Variants in TMCC1 observed in about 807,000 individuals in gnomAD.
TMCC1 encodes the protein transmembrane and coiled-coil domains protein 1.
A neutral mutation model predicts 52.4 loss-of-function variants in TMCC1; 15 were observed. That is an observed-to-expected ratio of 0.29 (90% CI 0.19 to 0.44). TMCC1 has a LOEUF of 0.44. Ranked by LOEUF, TMCC1 falls within the 20% of genes least tolerant of loss-of-function variation. TMCC1 has a pLI of 1.00. For synonymous variants in TMCC1, 279 were observed against 301.9 expected, an observed-to-expected ratio of 0.92 and a Z score of 0.79; for missense variants, 503 against 806.0, an observed-to-expected ratio of 0.62 and a Z score of 4.55.
intron 2 of TMCC1, among the ~76,000 whole-genome samples, chr3:129,877,431 C>T (rs1282469365): frequency 6.6e-6 from 1 of 152,150 alleles, no homozygotes; most frequent in Non-Finnish European, 1.5e-5. Context: ...TCTTCCCCAA[C>T]TCTAAACTCT....
intron 4 of TMCC1, among the ~76,000 whole-genome samples, chr3:129,775,780 T>C (rs1278902388): frequency 2.6e-5 from 4 of 152,206 alleles, no homozygotes; most frequent in Non-Finnish European, 5.9e-5. Context: ...GGAATACTGT[T>C]ACCACCCTAA....
Position 129,726,389 on chromosome 3 carries a change from CAAAA to C in TMCC1, c.577-55129_577-55126del, listed in dbSNP as rs903335065. ...AGGCTACTATTTCTCAACATTAAAACAAAACAAACAAATAAAAACTTTACATCCT... is the reference window on the plus strand; with the variant it reads ...AGGCTACTATTTCTCAACATTAAAACCAAACAAATAAAAACTTTACATCCT... On this transcript the variant is annotated intron_variant, in intron 4 of 6. Transcript: ENST00000393238. Among the ~76,000 whole-genome samples the C allele has an allele frequency of 2.4e-3, 85 of 35,886 alleles. 2 individuals are homozygous for C. The South Asian group carries it at 0.13, about 54-fold the overall frequency. 23.5% of individuals were successfully genotyped at this position (35,886 alleles called of 152,430 possible).
intron 2 of TMCC1, among the ~76,000 whole-genome samples, chr3:129,867,559 A>C (rs1464400324): frequency 6.6e-6 from 1 of 152,226 alleles, no homozygotes; most frequent in African/African-American, 2.4e-5. Context: ...GATAGGTTTA[A>C]ATCTGTCTCT....
intron 4 of TMCC1, among the ~76,000 whole-genome samples, chr3:129,768,210 A>T (rs2054280692): frequency 6.6e-6 from 1 of 152,196 alleles, no homozygotes; most frequent in African/African-American, 2.4e-5. Flanking sequence ...CTCAACAAAC[A>T]AACAAAAAAC....
intron 5 of TMCC1, among the ~76,000 whole-genome samples, chr3:129,659,094 CTTTTTTTT>C (rs902362203): frequency 6.2e-5 from 8 of 130,004 alleles, no homozygotes; most frequent in Non-Finnish European, 8.4e-5. Flanking sequence ...TTCTTTCTTT[CTTTTTTTT>C]TTTTTTTTTT....
chr3:129,826,783 A>G (rs1425169972), intron 4 of TMCC1, among the ~76,000 whole-genome samples: 1 of 152,124 alleles, frequency 6.6e-6, no homozygotes. Flanking sequence ...TTAATATCCA[A>G]TAAAAAAAAA....
chr3:129,714,662 A>G (rs569487028), intron 4 of TMCC1, among the ~76,000 whole-genome samples: 1 of 152,348 alleles, frequency 6.6e-6, no homozygotes, highest in South Asian at 2.1e-4. Context: ...ATAATTAAAA[A>G]GATACCTAGA....
intron 4 of TMCC1, among the ~76,000 whole-genome samples, chr3:129,723,552 T>TAAGGAA (rs780454551): frequency 5.3e-4 from 81 of 152,090 alleles, no homozygotes; most frequent in Middle Eastern, 3.4e-3. Context: ...AACACTGATT[T>TAAGGAA]TCCAGTAACT....
intron 4 of TMCC1, among the ~76,000 whole-genome samples, chr3:129,745,241 C>T (rs1029902359): frequency 6.6e-6 from 1 of 152,212 alleles, no homozygotes; most frequent in Non-Finnish European, 1.5e-5. Context: ...CATGCACTCA[C>T]ACTTCTTGAA....
chr3:129,818,959 A>T (rs1181723059), intron 4 of TMCC1: 1 of 153,058 alleles, frequency 6.5e-6, no homozygotes, highest in African/African-American at 2.4e-5. Flanking sequence ...TAATGCTTAC[A>T]ACTAATTGAT....
At chr3:129,662,917 G>A (rs1402941719) in intron 5 of TMCC1, among the ~76,000 whole-genome samples, 1 of 152,196 alleles carries the variant, frequency 6.6e-6, no homozygotes, top group Non-Finnish European at 1.5e-5. Flanking sequence ...CCTTTGCACT[G>A]TAAGATTATT....
At chr3:129,795,875 T>C (rs1290969366) in intron 4 of TMCC1, among the ~76,000 whole-genome samples, 1 of 152,232 alleles carries the variant, frequency 6.6e-6, no homozygotes, top group East Asian at 1.9e-4. Flanking sequence ...TGTTGCAGTA[T>C]GGTAATGTTG....
chr3:129,805,898 C>T (rs910076514), intron 4 of TMCC1, among the ~76,000 whole-genome samples: 1 of 152,078 alleles, frequency 6.6e-6, no homozygotes, highest in Non-Finnish European at 1.5e-5. Context: ...CACCACTGCA[C>T]TCCAGCCTGG....
chr3:129,763,223 T>A (rs867793046), intron 4 of TMCC1, among the ~76,000 whole-genome samples: 1,530 of 123,638 alleles, frequency 0.012, 85 homozygotes, highest in African/African-American at 0.021. Flanking sequence ...AATAAATAAA[T>A]AAATAAATAA....
chr3:129,795,749 C>T (rs1304041719), intron 4 of TMCC1, among the ~76,000 whole-genome samples: 1 of 152,210 alleles, frequency 6.6e-6, no homozygotes, highest in African/African-American at 2.4e-5. Flanking sequence ...TTCTGAGTAG[C>T]ATGATAAAAC....
At chr3:129,737,129 A>G (rs2051037866) in intron 4 of TMCC1, among the ~76,000 whole-genome samples, 1 of 152,182 alleles carries the variant, frequency 6.6e-6, no homozygotes, top group Admixed American at 6.5e-5. Context: ...TGATTAAGTC[A>G]TAAGGGCTTC....
At chr3:129,873,521 A>AT (rs2061036471) in intron 2 of TMCC1, among the ~76,000 whole-genome samples, 1 of 151,916 alleles carries the variant, frequency 6.6e-6, no homozygotes, top group Non-Finnish European at 1.5e-5. Flanking sequence ...GTCTCGAAAA[A>AT]TTTTTTAAAC....
intron 3 of TMCC1, among the ~76,000 whole-genome samples, chr3:129,831,885 C>A (rs959949508): frequency 2.0e-5 from 3 of 152,020 alleles, no homozygotes; most frequent in African/African-American, 7.3e-5. Flanking sequence ...GACAGGGTCT[C>A]CCCCTGCCAC....
chr3:129,713,928 G>T (rs2109002525), intron 4 of TMCC1, among the ~76,000 whole-genome samples: 1 of 152,114 alleles, frequency 6.6e-6, no homozygotes, highest in East Asian at 1.9e-4. Context: ...TAGCTCTTGT[G>T]TGAGAATCAT....
Sources: gnomAD v4.1 joint callset for allele counts (sites outside exome capture counted in the v4.1 genomes callset) on GRCh38, gnomAD v4.1.1 for gene constraint, MANE v1.5 for transcripts, NCBI Gene and HGNC (gene_info 2026-07-23, HGNC 2026-07-21) for gene names.